Variants in BNC2 observed in about 807,000 individuals in gnomAD.
BNC2 encodes zinc finger protein basonuclin-2.
In BNC2, 20 loss-of-function variants were observed where a neutral mutation model predicts 76.3. That is an observed-to-expected ratio of 0.26 (90% CI 0.18 to 0.38). The LOEUF is 0.38. BNC2 is among the 10% of genes least tolerant of loss of function. The probability of loss-of-function intolerance (pLI) is 1.00; values close to 1 mark genes in which losing one functional copy is unlikely to be tolerated. For synonymous variants in BNC2, 582 were observed against 514.8 expected (o/e 1.13, Z -1.77); for missense variants, 1,382 against 1,399.8 (o/e 0.99, Z 0.20).
chr9:16,653,324 T>G (rs1821842322), intron 3 of BNC2, among the ~76,000 whole-genome samples: 1 of 152,136 alleles, frequency 6.6e-6, no homozygotes, highest in Admixed American at 6.5e-5. Context: ...CAAATGTAAG[T>G]GCCCACACAC....
chr9:16,733,503 C>G (rs1371036070), intron 2 of BNC2, among the ~76,000 whole-genome samples: 2 of 151,748 alleles, frequency 1.3e-5, no homozygotes, highest in Non-Finnish European at 2.9e-5. Flanking sequence ...CCTGGACTCA[C>G]ATATGTAAAT....
At chr9:16,673,894 A>G (rs1822559659) in intron 3 of BNC2, among the ~76,000 whole-genome samples, 1 of 152,224 alleles carries the variant, frequency 6.6e-6, no homozygotes, top group Non-Finnish European at 1.5e-5. Flanking sequence ...AAATGAAGTG[A>G]CTGTTATAAT....
chr9:16,500,932 G>A (rs1822504036), intron 5 of BNC2, among the ~76,000 whole-genome samples: 1 of 152,176 alleles, frequency 6.6e-6, no homozygotes, highest in Non-Finnish European at 1.5e-5. Context: ...AGACAGTGGT[G>A]TGTCTTCTAG....
In BNC2 at chr9:16,810,286, C is replaced by G. The variant is rs184750350; in HGVS notation, c.3+60360G>C. Among the ~76,000 whole-genome samples, 193 of 152,280 alleles carry G rather than the reference C, an allele frequency of 1.3e-3. No individual in the cohort carries two copies. In the Middle Eastern group the frequency reaches 0.014, roughly 11 times the overall value. The stretch of plus-strand genomic sequence containing the variant: ...GCATATTTTCTCCCCGTTCATTTAC[C>G]TTGGCAGGGGTGGGGCTAGAAGCTG... On this transcript the variant is annotated intron_variant, in intron 1 of 6. Transcript: ENST00000380672.
chr9:16,818,321 G>T (rs918471523), intron 1 of BNC2, among the ~76,000 whole-genome samples: 1 of 152,108 alleles, frequency 6.6e-6, no homozygotes, highest in Non-Finnish European at 1.5e-5. Context: ...GGAGAATGGC[G>T]TGAACCTTGG....
At position 16,738,351 on chromosome 9, in the gene BNC2, C is replaced by G. The variant is rs778384315; in HGVS notation, c.129+9G>C. 1.2e-6 allele frequency: 2 copies of G among 1,612,534 alleles called. No individual in the cohort carries two copies. The highest frequency in any genetic ancestry group is 4.5e-5 in the East Asian group (2 of 44,790). ...GTAACTTAAAGGGGGAAAAAAAAAA[C>G]CAACATACCTCAATTTGAGATGTAT... On this transcript the variant is annotated intron_variant, in intron 2 of 6. Coordinates refer to ENST00000380672, the MANE Select transcript of BNC2 (RefSeq NM_017637.6).
chr9:16,784,215 A>G (rs1215722278), intron 1 of BNC2, among the ~76,000 whole-genome samples: 1 of 152,218 alleles, frequency 6.6e-6, no homozygotes, highest in East Asian at 1.9e-4. Flanking sequence ...CTCACAATGT[A>G]GCAGGGAAGA....
intron 4 of BNC2, among the ~76,000 whole-genome samples, chr9:16,555,008 G>A (rs918343844): frequency 2.6e-5 from 4 of 151,216 alleles, no homozygotes; most frequent in Non-Finnish European, 2.9e-5. Context: ...CATTAAAAAA[G>A]GTTGGTTGTT....
At chr9:16,530,555 T>G (rs1817945211) in intron 5 of BNC2, among the ~76,000 whole-genome samples, 1 of 152,188 alleles carries the variant, frequency 6.6e-6, no homozygotes, top group South Asian at 2.1e-4. Flanking sequence ...AACATGATAT[T>G]ATGCTGAGAA....
intron 4 of BNC2, among the ~76,000 whole-genome samples, chr9:16,556,932 G>A (rs893775939): frequency 6.6e-6 from 1 of 151,962 alleles, no homozygotes; most frequent in African/African-American, 2.4e-5. Context: ...AAGTATCCAT[G>A]GAACTATGAT....
intron 2 of BNC2, among the ~76,000 whole-genome samples, chr9:16,729,763 C>T (rs1352397524): frequency 6.6e-6 from 1 of 152,096 alleles, no homozygotes; most frequent in Non-Finnish European, 1.5e-5. Context: ...AGCTATTACC[C>T]ACTTAAACTC....
chr9:16,688,287 A>T (rs1391170671), intron 3 of BNC2, among the ~76,000 whole-genome samples: 1 of 152,226 alleles, frequency 6.6e-6, no homozygotes, highest in Non-Finnish European at 1.5e-5. Flanking sequence ...AAAGCTGATA[A>T]CCTAATTAGT....
chr9:16,761,071 C>T (rs993627217), intron 1 of BNC2, among the ~76,000 whole-genome samples: 16 of 130,492 alleles, frequency 1.2e-4, no homozygotes, highest in Non-Finnish European at 2.9e-4. Flanking sequence ...AGAGCGGCCC[C>T]GTCTCTACAA....
chr9:16,656,222 G>C (rs144400109), intron 3 of BNC2, among the ~76,000 whole-genome samples: 6 of 152,284 alleles, frequency 3.9e-5, no homozygotes, highest in Admixed American at 1.3e-4. Context: ...ACACAGAAGA[G>C]AATGTGCTTA....
At chr9:16,572,925 G>A (rs1378364655) in intron 4 of BNC2, among the ~76,000 whole-genome samples, 1 of 151,986 alleles carries the variant, frequency 6.6e-6, no homozygotes, top group Non-Finnish European at 1.5e-5. Flanking sequence ...CGATTACCAC[G>A]TCTAATGGAA....
intron 3 of BNC2, among the ~76,000 whole-genome samples, chr9:16,698,371 C>G (rs993000611): frequency 3.3e-5 from 5 of 151,920 alleles, no homozygotes; most frequent in Non-Finnish European, 5.9e-5. Context: ...AACTATGATA[C>G]AATGGCAAGC....
At chr9:16,585,276 T>C (rs934021285) in intron 3 of BNC2, among the ~76,000 whole-genome samples, 1 of 152,204 alleles carries the variant, frequency 6.6e-6, no homozygotes, top group African/African-American at 2.4e-5. Flanking sequence ...AACAAGTTTA[T>C]GATTCAAATA....
At chr9:16,589,922 A>C (rs1428781000) in intron 3 of BNC2, among the ~76,000 whole-genome samples, 1 of 152,208 alleles carries the variant, frequency 6.6e-6, no homozygotes, top group African/African-American at 2.4e-5. Context: ...AGTTAAGTAC[A>C]TGACCTACAT....
intron 1 of BNC2, among the ~76,000 whole-genome samples, chr9:16,799,041 G>C (rs1304214485): frequency 6.6e-6 from 1 of 152,116 alleles, no homozygotes; most frequent in East Asian, 1.9e-4. Context: ...CAGAACCAAG[G>C]TTCTGGGATC....
Sources: allele counts gnomAD v4.1 joint callset (sites outside exome capture counted in the v4.1 genomes callset), GRCh38; gene constraint gnomAD v4.1.1; transcripts MANE v1.5; gene names NCBI Gene and HGNC (gene_info 2026-07-23, HGNC 2026-07-21).